ZDHHC11: variants seen among roughly 807,000 people sequenced by gnomAD.
ZDHHC11 encodes the protein palmitoyltransferase ZDHHC11.
A neutral mutation model predicts 51.3 loss-of-function variants in ZDHHC11; 44 were observed. That is an observed-to-expected ratio of 0.86 (90% CI 0.67 to 1.10). The LOEUF (loss-of-function observed/expected upper bound fraction) is 1.10, where lower values mean the gene tolerates loss of function less well. Ranked by LOEUF, ZDHHC11 falls within the 50% of genes least tolerant of loss-of-function variation. ZDHHC11 has a pLI of 0.00. For synonymous variants in ZDHHC11, 163 were observed against 222.0 expected (o/e 0.73, Z 2.36); for missense variants, 400 against 537.7 (o/e 0.74, Z 2.53).
At chr5:827,469 C>A (rs58852507) in intron 7 of ZDHHC11, among the ~76,000 whole-genome samples, 2,917 of 151,062 alleles carry the variant, frequency 0.019, 131 homozygotes, top group African/African-American at 0.068. Context: ...AACCAAGTAT[C>A]TGCTGTCTTC....
chr5:835,774 A>C (rs537125766), intron 6 of ZDHHC11, among the ~76,000 whole-genome samples: 2 of 152,042 alleles, frequency 1.3e-5, no homozygotes, highest in Admixed American at 6.5e-5. Context: ...GACTTCTCTC[A>C]GTCATGGTGT....
At chr5:850,280 G>A in intron 1 of ZDHHC11, 101 bp downstream of exon 1, 1 of 1,352,766 alleles carries the variant, frequency 7.4e-7, no homozygotes, top group Admixed American at 2.1e-5. Context: ...GCAGGTGACT[G>A]GTGCCACCGG....
At chr5:828,756 A>G (rs1243453876) in intron 7 of ZDHHC11, among the ~76,000 whole-genome samples, 2 of 149,538 alleles carry the variant, frequency 1.3e-5, no homozygotes, top group African/African-American at 5.0e-5. Flanking sequence ...ATAGGCCACA[A>G]AACAAGTTTC....
intron 7 of ZDHHC11, among the ~76,000 whole-genome samples, chr5:828,412 C>T (rs190186410): frequency 0.07 from 10,305 of 147,038 alleles, 34 homozygotes; most frequent in East Asian, 0.21. Context: ...GGTGGAGGTG[C>T]CCCCCACCTC....
chr5:837,808 C>T (rs111760782), intron 5 of ZDHHC11, among the ~76,000 whole-genome samples: 8,473 of 151,714 alleles, frequency 0.056, 355 homozygotes, highest in African/African-American at 0.075. Flanking sequence ...AGACCTGGGT[C>T]CCCTATACCA....
chr5:807,059 C>T lies in ZDHHC11; in HGVS notation c.1182-5895G>A, dbSNP rs111926729. Reference sequence around the variant, plus strand: ...AGCAGCACAGCTGGGTAGCAAAAAACTGGAAGCCATCTCCATGCCCAACCA... The same window carrying T: ...AGCAGCACAGCTGGGTAGCAAAAAATTGGAAGCCATCTCCATGCCCAACCA... On this transcript the variant is annotated intron_variant, in intron 11 of 12. Transcript: ENST00000283441. 4.0e-3 allele frequency among the ~76,000 whole-genome samples: 611 copies of T among 150,974 alleles called. 24 individuals are homozygous for T. Among genetic ancestry groups the T allele is most frequent in the Non-Finnish European group, 5.8e-3 (394 of 67,546 alleles).
rs1744686474 is a variant in ZDHHC11 at position 840,656 on chromosome 5, G to A, written c.629-6C>T. ...CGTGTTCATATTCTTGACATCTGGG[G>A]AGACAAGGGAGAGCCACTGTGTCCA... is the stretch of plus-strand genomic sequence containing the variant. On this transcript the variant is annotated splice_polypyrimidine_tract_variant and splice_region_variant and intron_variant, in intron 4 of 12. Transcript: ENST00000283441. 1.2e-6 allele frequency: 2 copies of A among 1,613,530 alleles called. No individual in the cohort carries two copies. The highest frequency in any genetic ancestry group is 2.7e-5 in the African/African-American group (2 of 74,928).
At chr5:821,086 T>C (rs1358784482) in intron 9 of ZDHHC11, 1 of 151,494 alleles carries the variant, frequency 6.6e-6, no homozygotes, top group East Asian at 1.9e-4. Context: ...AAATCCCAAC[T>C]GGCCTGAAAA....
chr5:803,973 A>G (rs1242710739), intron 11 of ZDHHC11, among the ~76,000 whole-genome samples: 1 of 150,418 alleles, frequency 6.6e-6, no homozygotes, highest in Admixed American at 6.6e-5. Context: ...AAAAAGATTA[A>G]GGAAGATGAA....
upstream of ZDHHC11, among the ~76,000 whole-genome samples, chr5:860,248 G>C (rs1748723619): frequency 6.6e-6 from 1 of 152,238 alleles, no homozygotes. This position sits in a 1 kb window ranked among gnomAD's most constrained non-coding sequence, Gnocchi z 4.2. Context: ...GCTCTGGCCA[G>C]AGAGGCTGAG....
At chr5:858,539 C>T (rs986284263) in intron 1 of ZDHHC11, among the ~76,000 whole-genome samples, 1 of 152,188 alleles carries the variant, frequency 6.6e-6, no homozygotes, top group Non-Finnish European at 1.5e-5. Context: ...TGAGTCTGTC[C>T]TCACCGTCCC....
chr5:798,500 C>T (rs112177395), intron 12 of ZDHHC11, among the ~76,000 whole-genome samples: 1,424 of 149,668 alleles, frequency 9.5e-3, no homozygotes, highest in Middle Eastern at 0.02. Flanking sequence ...GAACCTCTGG[C>T]TTCATTTCAC....
chr5:837,969 G>T (rs990218943), intron 5 of ZDHHC11, among the ~76,000 whole-genome samples: 4 of 151,950 alleles, frequency 2.6e-5, no homozygotes, highest in Non-Finnish European at 2.9e-5. Flanking sequence ...GGGATGCACA[G>T]AGACCCCACA....
At chr5:813,094 T>G (rs527796805) in intron 11 of ZDHHC11, among the ~76,000 whole-genome samples, 18 of 145,226 alleles carry the variant, frequency 1.2e-4, no homozygotes, top group Non-Finnish European at 2.4e-4. Context: ...CCCAACACTT[T>G]AGGAGGCTGA....
intron 6 of ZDHHC11, 109 bp downstream of exon 6, chr5:837,256 G>A (rs1744006548): frequency 1.6e-6 from 2 of 1,226,790 alleles, no homozygotes; most frequent in Admixed American, 3.5e-5. Flanking sequence ...AGAGTCCATG[G>A]GCTGCATCGG....
chr5:840,989 C>CCTCA (rs1378724037), intron 4 of ZDHHC11: 2 of 1,290,552 alleles, frequency 1.5e-6, no homozygotes, highest in African/African-American at 1.6e-5. Context: ...CCCACCCCTT[C>CCTCA]CTAAGTGCCG....
intron 7 of ZDHHC11, among the ~76,000 whole-genome samples, chr5:830,048 G>A (rs1230101729): frequency 3.4e-5 from 5 of 146,540 alleles, no homozygotes; most frequent in Non-Finnish European, 6.0e-5. Flanking sequence ...ATGGGGAAAA[G>A]TTGAAAACAT....
intron 4 of ZDHHC11, 103 bp from the exon 5 acceptor site, chr5:840,753 G>T: frequency 6.3e-7 from 1 of 1,576,664 alleles, no homozygotes; most frequent in African/African-American, 1.3e-5. Context: ...GCGGTGTGGG[G>T]ACAGCCAGTG....
intron 11 of ZDHHC11, among the ~76,000 whole-genome samples, chr5:811,981 A>G (rs1561240348): frequency 7.2e-6 from 1 of 139,834 alleles, no homozygotes; most frequent in Non-Finnish European, 1.5e-5. Flanking sequence ...GGCAAGCACT[A>G]GAAAAGGGGG....
Sources: gnomAD v4.1 joint callset for allele counts (sites outside exome capture counted in the v4.1 genomes callset) on GRCh38, gnomAD v4.1.1 for gene constraint, Gnocchi (gnomAD v3.1) non-coding constraint, MANE v1.5 for transcripts, NCBI Gene and HGNC (gene_info 2026-07-23, HGNC 2026-07-21) for gene names.